The following KCNIP4 variants were observed in gnomAD, a reference collection of about 807,000 sequenced individuals.
KCNIP4 encodes potassium voltage-gated channel interacting protein 4, also known as Kv channel-interacting protein 4.
Under a neutral mutation model 34.0 loss-of-function variants are expected in KCNIP4, and 12 were observed. The ratio of observed to expected loss-of-function variants is 0.35; its 90% CI spans 0.23 to 0.57. The LOEUF is 0.57. Ranked by LOEUF, KCNIP4 falls within the 20% of genes least tolerant of loss-of-function variation. The pLI is 0.83. For missense variants in KCNIP4, 238 were observed against 311.7 expected (o/e 0.76, Z 1.78); for synonymous variants, 124 against 102.2 (o/e 1.21, Z -1.29).
intron 3 of KCNIP4, among the ~76,000 whole-genome samples, chr4:20,824,745 A>G (rs932566829): frequency 2.6e-5 from 4 of 152,194 alleles, no homozygotes; most frequent in African/African-American, 7.2e-5. Context: ...GTTGCATGGT[A>G]TAATGACTTT....
chr4:21,937,890 G>C (rs111430141), intron 1 of KCNIP4, among the ~76,000 whole-genome samples: 1 of 152,016 alleles, frequency 6.6e-6, no homozygotes, highest in Non-Finnish European at 1.5e-5. Flanking sequence ...CATTGACTAC[G>C]TCACCAGTTA....
chr4:21,452,134 T>C (rs1728563393), intron 1 of KCNIP4, among the ~76,000 whole-genome samples: 1 of 151,892 alleles, frequency 6.6e-6, no homozygotes, highest in African/African-American at 2.4e-5. Flanking sequence ...AGGGGATCTG[T>C]GATTATCTAC....
chr4:21,366,308 G>A (rs377544422), intron 1 of KCNIP4, among the ~76,000 whole-genome samples: 26 of 152,290 alleles, frequency 1.7e-4, no homozygotes, highest in African/African-American at 2.4e-4. Flanking sequence ...AACCCGCAGA[G>A]GATGCTGCAT....
chr4:20,735,657 C>T (rs1332090734), intron 5 of KCNIP4, among the ~76,000 whole-genome samples: 1 of 151,836 alleles, frequency 6.6e-6, no homozygotes, highest in Non-Finnish European at 1.5e-5. Context: ...CTGCCTCAGC[C>T]TCCCGAGTAG....
intron 3 of KCNIP4, among the ~76,000 whole-genome samples, chr4:20,780,832 T>C (rs1248308699): frequency 6.6e-6 from 1 of 152,220 alleles, no homozygotes; most frequent in African/African-American, 2.4e-5. Context: ...CTATCTTAGA[T>C]ATGTGAGTCA....
chr4:20,988,000 C>CAAAAAAAAAAAACAAAAAAAAAAAAAA (rs1736739089), intron 1 of KCNIP4, among the ~76,000 whole-genome samples: 1 of 46,318 alleles, frequency 2.2e-5, no homozygotes, highest in East Asian at 7.2e-4. Flanking sequence ...GATTCCATCT[C>CAAAAAAAAAAAACAAAAAAAAAAAAAA]AAAAAAAAAA....
intron 1 of KCNIP4, among the ~76,000 whole-genome samples, chr4:21,392,549 C>T (rs1197499996): frequency 6.6e-6 from 1 of 152,154 alleles, no homozygotes; most frequent in South Asian, 2.1e-4. Context: ...GTGGGATTTA[C>T]GAAGCGCTGT....
intron 1 of KCNIP4, among the ~76,000 whole-genome samples, chr4:21,660,944 A>G (rs1475351477): frequency 6.6e-6 from 1 of 152,114 alleles, no homozygotes; most frequent in East Asian, 1.9e-4. Flanking sequence ...CTAAATGAGA[A>G]TAAGCATTCC....
At chr4:21,004,471 T>A (rs539935567) in intron 1 of KCNIP4, among the ~76,000 whole-genome samples, 1 of 152,118 alleles carries the variant, frequency 6.6e-6, no homozygotes, top group African/African-American at 2.4e-5. Flanking sequence ...TGTCAAGATA[T>A]CCTGGAGAGA....
intron 2 of KCNIP4, among the ~76,000 whole-genome samples, chr4:20,861,630 G>A (rs1336671383): frequency 6.6e-6 from 1 of 152,104 alleles, no homozygotes; most frequent in Non-Finnish European, 1.5e-5. Flanking sequence ...ATATCATATT[G>A]AAAATGAACA....
intron 1 of KCNIP4, among the ~76,000 whole-genome samples, chr4:21,523,356 G>A (rs971599019): frequency 6.6e-6 from 1 of 151,950 alleles, no homozygotes; most frequent in African/African-American, 2.4e-5. Context: ...ACCGTCAAAT[G>A]CTATATTTAG....
chr4:21,651,144 G>A (rs1368997097), intron 1 of KCNIP4, among the ~76,000 whole-genome samples: 1 of 152,066 alleles, frequency 6.6e-6, no homozygotes, highest in Admixed American at 6.6e-5. Context: ...TTATGAGAGT[G>A]GTATTATGGC....
chr4:20,747,348 G>A (rs1285497185), intron 5 of KCNIP4, among the ~76,000 whole-genome samples: 2 of 152,116 alleles, frequency 1.3e-5, no homozygotes, highest in East Asian at 3.9e-4. Context: ...TATATTAGGT[G>A]AACTATATTA....
intron 1 of KCNIP4, among the ~76,000 whole-genome samples, chr4:21,269,008 T>G (rs1386808130): frequency 6.6e-6 from 1 of 152,064 alleles, no homozygotes; most frequent in African/African-American, 2.4e-5. Flanking sequence ...AGCTGAAAAA[T>G]AAAGCACACA....
chr4:21,196,529 C>T (rs887340324), intron 1 of KCNIP4, among the ~76,000 whole-genome samples: 1 of 152,132 alleles, frequency 6.6e-6, no homozygotes. Context: ...AGGATATCTT[C>T]AAATTTATCT....
chr4:21,544,024 T>C (rs1487289135), intron 1 of KCNIP4, among the ~76,000 whole-genome samples: 2 of 152,180 alleles, frequency 1.3e-5, no homozygotes, highest in Non-Finnish European at 2.9e-5. Context: ...GTTAAATTGA[T>C]TTATTTTCTG....
chr4:20,979,529 G>C (rs1276448024), intron 1 of KCNIP4, among the ~76,000 whole-genome samples: 1 of 151,786 alleles, frequency 6.6e-6, no homozygotes, highest in African/African-American at 2.4e-5. Context: ...CTCCCGAGTA[G>C]CTGGGACTAC....
chr4:21,720,066 G>GAAGA (rs564731980), intron 1 of KCNIP4, among the ~76,000 whole-genome samples: 3 of 144,132 alleles, frequency 2.1e-5, no homozygotes, highest in Non-Finnish European at 4.6e-5. Context: ...AGAAGAAGAA[G>GAAGA]AAAAAAAAAA....
At chr4:21,501,719 T>TGTGTGTGTGTGTGTGTGTGTGCG in intron 1 of KCNIP4, among the ~76,000 whole-genome samples, 1 of 149,020 alleles carries the variant, frequency 6.7e-6, no homozygotes, top group African/African-American at 2.5e-5. Flanking sequence ...TGTGTGTGCG[T>TGTGTGTGTGTGTGTGTGTGTGCG]TGGAAGGGGC....
Sources: allele counts gnomAD v4.1 joint callset (sites outside exome capture counted in the v4.1 genomes callset), GRCh38; gene constraint gnomAD v4.1.1; transcripts MANE v1.5; gene names NCBI Gene and HGNC (gene_info 2026-07-23, HGNC 2026-07-21).